ADAMTS6: variants seen among roughly 807,000 people sequenced by gnomAD.
ADAMTS6 encodes ADAM metallopeptidase with thrombospondin type 1 motif 6.
In ADAMTS6, 23 loss-of-function variants were observed where a neutral mutation model predicts 144.3. That is an observed-to-expected ratio of 0.16 (90% CI 0.11 to 0.23). The LOEUF is 0.23. ADAMTS6 is among the 10% of genes least tolerant of loss of function. The pLI is 1.00. For missense variants in ADAMTS6, 999 were observed against 1,379.6 expected, an observed-to-expected ratio of 0.72 and a Z score of 4.37; for synonymous variants, 444 against 457.5, an observed-to-expected ratio of 0.97 and a Z score of 0.38.
intron 9 of ADAMTS6, among the ~76,000 whole-genome samples, chr5:65,328,734 C>T (rs1441627377): frequency 6.6e-6 from 1 of 150,688 alleles, no homozygotes; most frequent in Non-Finnish European, 1.5e-5. Context: ...CATATTACTA[C>T]TGCCTGTTGT....
At chr5:65,475,972 C>T (rs1229045394) in intron 1 of ADAMTS6, among the ~76,000 whole-genome samples, 2 of 152,164 alleles carry the variant, frequency 1.3e-5, no homozygotes, top group Admixed American at 1.3e-4. Context: ...CTCCCCTCCT[C>T]TTAATTTGAT....
chr5:65,300,512 T>G (rs1407357780), intron 9 of ADAMTS6, among the ~76,000 whole-genome samples: 1 of 152,214 alleles, frequency 6.6e-6, no homozygotes, highest in Non-Finnish European at 1.5e-5. Context: ...AGAACCTGCC[T>G]TTTAACATGT....
At chr5:65,453,248 G>A (rs958626292) in intron 4 of ADAMTS6, among the ~76,000 whole-genome samples, 6 of 151,994 alleles carry the variant, frequency 3.9e-5, no homozygotes, top group Admixed American at 1.3e-4. Context: ...ACTTTAAAGA[G>A]CCATTTAAAG....
At chr5:65,432,252 A>C (rs1757053203) in intron 7 of ADAMTS6, among the ~76,000 whole-genome samples, 1 of 151,978 alleles carries the variant, frequency 6.6e-6, no homozygotes, top group Non-Finnish European at 1.5e-5. Context: ...CTAATAAATA[A>C]GTTTCTAAAT....
chr5:65,158,435 T>C (rs749336396), intron 24 of ADAMTS6, among the ~76,000 whole-genome samples: 1 of 152,160 alleles, frequency 6.6e-6, no homozygotes, highest in Admixed American at 6.5e-5. Flanking sequence ...TGGCACACCA[T>C]GAATCACGAC....
chr5:65,173,904 C>T (rs942639811), intron 22 of ADAMTS6, among the ~76,000 whole-genome samples: 1 of 151,778 alleles, frequency 6.6e-6, no homozygotes, highest in Non-Finnish European at 1.5e-5. Context: ...GTGTCTGTAG[C>T]CCCAGCTACT....
chr5:65,384,183 G>A (rs1752296125), intron 7 of ADAMTS6, among the ~76,000 whole-genome samples: 1 of 152,102 alleles, frequency 6.6e-6, no homozygotes, highest in Admixed American at 6.5e-5. Context: ...AACGTTTGAT[G>A]GGCCACACCC....
chr5:65,403,054 C>T (rs1387538981), intron 7 of ADAMTS6, among the ~76,000 whole-genome samples: 1 of 151,986 alleles, frequency 6.6e-6, no homozygotes, highest in African/African-American at 2.4e-5. Context: ...TAGCTCCATC[C>T]CTCCTAATAC....
At chr5:65,429,276 T>A (rs1756808304) in intron 7 of ADAMTS6, among the ~76,000 whole-genome samples, 1 of 152,200 alleles carries the variant, frequency 6.6e-6, no homozygotes, top group Non-Finnish European at 1.5e-5. Context: ...CCCAGTTTAT[T>A]ACCATTGGAT....
At chr5:65,457,280 A>G (rs1371832310) in intron 4 of ADAMTS6, among the ~76,000 whole-genome samples, 1 of 152,236 alleles carries the variant, frequency 6.6e-6, no homozygotes, top group Non-Finnish European at 1.5e-5. Context: ...GAAAGTCAGT[A>G]TAGTGGTCTC....
chr5:65,275,213 CAAAAAAAAAAAAAAAAAAA>C (rs70983666), intron 11 of ADAMTS6, among the ~76,000 whole-genome samples: 1 of 63,814 alleles, frequency 1.6e-5, no homozygotes, highest in Admixed American at 2.4e-4. Flanking sequence ...GGCTCTGTGT[CAAAAAAAAAAAAAAAAAAA>C]AAAAAAAAAA....
At chr5:65,309,992 G>A (rs1428716480) in intron 9 of ADAMTS6, among the ~76,000 whole-genome samples, 6 of 151,968 alleles carry the variant, frequency 3.9e-5, no homozygotes, top group Non-Finnish European at 8.8e-5. Flanking sequence ...TTGCAGGTGG[G>A]GTGTGTTGGG....
intron 20 of ADAMTS6, among the ~76,000 whole-genome samples, chr5:65,201,599 T>C (rs898950991): frequency 6.6e-6 from 1 of 152,132 alleles, no homozygotes; most frequent in African/African-American, 2.4e-5. Context: ...TGATAGACCA[T>C]GTAATGGATA....
At chr5:65,455,859 TATC>T (rs1192047815) in intron 4 of ADAMTS6, among the ~76,000 whole-genome samples, 2 of 151,988 alleles carry the variant, frequency 1.3e-5, no homozygotes, top group African/African-American at 2.4e-5. Context: ...TAGTTGCTGT[TATC>T]ATCATCTTTG....
chr5:65,239,207 G>A (rs1404132314), intron 15 of ADAMTS6, among the ~76,000 whole-genome samples: 2 of 150,108 alleles, frequency 1.3e-5, no homozygotes, highest in Non-Finnish European at 2.9e-5. Flanking sequence ...CATGGCACAC[G>A]TATACATATG....
chr5:65,324,427 A>C (rs2112897220), intron 9 of ADAMTS6, among the ~76,000 whole-genome samples: 1 of 152,236 alleles, frequency 6.6e-6, no homozygotes, highest in South Asian at 2.1e-4. Context: ...TTTAAGTTAC[A>C]CTTCATCAAA....
intron 9 of ADAMTS6, among the ~76,000 whole-genome samples, chr5:65,302,499 T>C (rs1158633534): frequency 6.6e-6 from 1 of 151,362 alleles, no homozygotes; most frequent in African/African-American, 2.4e-5. Flanking sequence ...TGTATGAGAG[T>C]ATCCAGAGCC....
chr5:65,371,021 C>T (rs1381971338), intron 7 of ADAMTS6, among the ~76,000 whole-genome samples: 4 of 152,100 alleles, frequency 2.6e-5, no homozygotes, highest in African/African-American at 7.2e-5. Flanking sequence ...CACACTGACA[C>T]CTCACATGGC....
chr5:65,426,287 G>C (rs1756528823), intron 7 of ADAMTS6, among the ~76,000 whole-genome samples: 2 of 146,976 alleles, frequency 1.4e-5, no homozygotes, highest in African/African-American at 5.1e-5. Flanking sequence ...TCGAACTCCT[G>C]ACCTCAGGTG....
Sources: allele counts gnomAD v4.1 joint callset (sites outside exome capture counted in the v4.1 genomes callset), GRCh38; gene constraint gnomAD v4.1.1; transcripts MANE v1.5; gene names NCBI Gene and HGNC (gene_info 2026-07-23, HGNC 2026-07-21).